Variants in DNAI7 observed in about 807,000 individuals in gnomAD.
DNAI7 encodes cancer susceptibility 1.
Under a neutral mutation model 86.6 loss-of-function variants are expected in DNAI7, and 78 were observed. That is an observed-to-expected ratio of 0.90 (90% CI 0.75 to 1.09). The LOEUF is 1.09. Ranked by LOEUF, DNAI7 falls within the 50% of genes least tolerant of loss-of-function variation. DNAI7 has a pLI of 0.00. For synonymous variants in DNAI7, 274 were observed against 273.0 expected (o/e 1.00, Z -0.04); for missense variants, 753 against 810.2 (o/e 0.93, Z 0.86).
intron 2 of DNAI7, among the ~76,000 whole-genome samples, chr12:25,164,805 C>T (rs1947256981): frequency 6.6e-6 from 1 of 151,894 alleles, no homozygotes; most frequent in African/African-American, 2.4e-5. Context: ...CTGACTTCTC[C>T]CCTCCTCACC....
At chr12:25,186,656 G>T (rs73286892) in intron 2 of DNAI7, among the ~76,000 whole-genome samples, 3,053 of 152,176 alleles carry the variant, frequency 0.02, 83 homozygotes, top group African/African-American at 0.07. Context: ...GTTTCGAATT[G>T]TCTAAAGGTT....
At chr12:25,161,073 T>C (rs773064318) in intron 3 of DNAI7, 40 bp downstream of exon 3, 2 of 1,473,934 alleles carry the variant, frequency 1.4e-6, no homozygotes, top group South Asian at 1.2e-5. Flanking sequence ...ATCGTGACTA[T>C]TACCTGTATA....
chr12:25,120,024 ATGAAG>A (rs1940942618), intron 11 of DNAI7, among the ~76,000 whole-genome samples: 1 of 152,190 alleles, frequency 6.6e-6, no homozygotes, highest in African/African-American at 2.4e-5. Flanking sequence ...AGGGGAGAGC[ATGAAG>A]TGGTCTCAGG....
At chr12:25,135,187 A>G (rs1225788044) in intron 9 of DNAI7, among the ~76,000 whole-genome samples, 6 of 152,230 alleles carry the variant, frequency 3.9e-5, no homozygotes, top group African/African-American at 1.4e-4. Flanking sequence ...GCCTCCAAAC[A>G]CACATCCTCA....
chr12:25,147,603 GCCATGATTGCA>G (rs1945038667), intron 7 of DNAI7, among the ~76,000 whole-genome samples: 1 of 152,138 alleles, frequency 6.6e-6, no homozygotes, highest in African/African-American at 2.4e-5. Flanking sequence ...GCTGCAGTGA[GCCATGATTGCA>G]CCATGCACTC....
chr12:25,152,590 C>T (rs896579036), intron 6 of DNAI7, among the ~76,000 whole-genome samples: 1 of 152,126 alleles, frequency 6.6e-6, no homozygotes, highest in Non-Finnish European at 1.5e-5. Context: ...CCAGTAAAGG[C>T]GAGTAAATGT....
chr12:25,158,580 A>T lies in DNAI7; in HGVS notation c.107-17T>A. 4 of 1,604,260 alleles carry T rather than the reference A, an allele frequency of 2.5e-6. No homozygotes were observed. Among genetic ancestry groups the T allele is most frequent in the Non-Finnish European group, 3.4e-6 (4 of 1,175,122 alleles). ...GGGCTTCCTCTAAAGAACCAAAAATAATTTTTTTCTCAGTGAATAGATCAC... is the reference window on the plus strand; with the variant it reads ...GGGCTTCCTCTAAAGAACCAAAAATTATTTTTTTCTCAGTGAATAGATCAC... On this transcript the variant is annotated splice_polypyrimidine_tract_variant and intron_variant, in intron 3 of 15. Transcript: ENST00000395987.
intron 11 of DNAI7, among the ~76,000 whole-genome samples, 188 bp downstream of exon 11, chr12:25,121,565 T>C (rs1487054328): frequency 1.3e-5 from 2 of 152,250 alleles, no homozygotes; most frequent in Admixed American, 6.5e-5. Flanking sequence ...ACAAACGTCA[T>C]ATTATTTTAG....
intron 13 of DNAI7, among the ~76,000 whole-genome samples, chr12:25,112,492 T>C (rs149629062): frequency 0.011 from 1,537 of 145,954 alleles, 9 homozygotes; most frequent in East Asian, 0.013. Flanking sequence ...CTGCAAGCTC[T>C]GCCTCCCAGG....
chr12:25,174,775 A>T (rs1429921115), intron 2 of DNAI7, among the ~76,000 whole-genome samples: 1 of 143,294 alleles, frequency 7.0e-6, no homozygotes, highest in Non-Finnish European at 1.5e-5. Flanking sequence ...GGAATACTAC[A>T]CGGCCATAAA....
chr12:25,165,084 C>G (rs1947306216), intron 2 of DNAI7, among the ~76,000 whole-genome samples: 1 of 152,172 alleles, frequency 6.6e-6, no homozygotes, highest in South Asian at 2.1e-4. Flanking sequence ...CATTTGGCAG[C>G]AACCCTGGGA....
chr12:25,152,144 T>A (rs2140939945), intron 6 of DNAI7, among the ~76,000 whole-genome samples: 1 of 152,326 alleles, frequency 6.6e-6, no homozygotes, highest in South Asian at 2.1e-4. Context: ...TTCTTAGAAT[T>A]TCTTGAGGGA....
Position 25,148,776 on chromosome 12 carries a change from C to A in DNAI7, c.585+852G>T, listed in dbSNP as rs1045394479. 6.2e-4 allele frequency among the ~76,000 whole-genome samples: 95 copies of A among 152,178 alleles called. 1 individual carries two copies. Among genetic ancestry groups the A allele is most frequent in the Non-Finnish European group, 7.2e-4 (49 of 67,984 alleles). On this transcript the variant is annotated intron_variant, in intron 7 of 15. Coordinates refer to ENST00000395987, the MANE Select transcript of DNAI7 (RefSeq NM_018272.5). ...TTGATCAGTGGGACTTCTAAGCTAGCCTCTTAGCTAACGGCATCCCTTTCA... is the reference window on the plus strand; with the variant it reads ...TTGATCAGTGGGACTTCTAAGCTAGACTCTTAGCTAACGGCATCCCTTTCA...
At chr12:25,172,262 C>T (rs1332987880) in intron 2 of DNAI7, among the ~76,000 whole-genome samples, 1 of 152,104 alleles carries the variant, frequency 6.6e-6, no homozygotes, top group Non-Finnish European at 1.5e-5. Flanking sequence ...TTTCAGGATA[C>T]AAGATTAATG....
intron 9 of DNAI7, among the ~76,000 whole-genome samples, chr12:25,124,032 T>TTG (rs57454187): frequency 0.21 from 30,319 of 144,546 alleles, 3,871 homozygotes; most frequent in African/African-American, 0.37. Flanking sequence ...AGTATAAAAA[T>TTG]TGTGTGTGTG....
chr12:25,130,190 C>G (rs1006983684), intron 9 of DNAI7, among the ~76,000 whole-genome samples: 1 of 152,148 alleles, frequency 6.6e-6, no homozygotes, highest in Non-Finnish European at 1.5e-5. Flanking sequence ...AATCCCTTAT[C>G]AATAGCAGGT....
At position 25,110,207 on chromosome 12, in the gene DNAI7, T is replaced by C. The variant is rs367957267; in HGVS notation, c.1813A>G (p.Met605Val). The change falls in exon 15 of 16, where the codon ATG becomes GTG. Residue 605 changes from methionine (M) to valine (V), a missense_variant. Transcript: ENST00000395987. The stretch of plus-strand genomic sequence containing the variant: ...GCAAAAGCAGAACTTAGTAGGGCCA[T>C]CTGTCGATAAGCTTTCACTTCTACC... Reference protein sequence around the residue: ...PLVEVKAYRQMALLSSAFAFG... With the variant: ...PLVEVKAYRQVALLSSAFAFG... 22 of 1,611,226 alleles carry C rather than the reference T, an allele frequency of 1.4e-5. 1 individual carries two copies. The highest frequency in any genetic ancestry group is 1.8e-5 in the Non-Finnish European group (21 of 1,177,452).
rs562558598 is a variant in DNAI7, at chr12:25,182,677, C to T, written c.21+7937G>A. ...GGCTCTCATGCCTGTAATCTCAGTG[C>T]TTTCGGAGGCCCTGGTAAGAGGATC... On this transcript the variant is annotated intron_variant, in intron 2 of 15. Coordinates refer to ENST00000395987, the MANE Select transcript of DNAI7 (RefSeq NM_018272.5). 7.9e-4 allele frequency among the ~76,000 whole-genome samples: 120 copies of T among 151,186 alleles called. 1 individual carries two copies. The Middle Eastern group carries it at 0.027, about 35-fold the overall frequency.
intron 1 of DNAI7, 110 bp downstream of exon 1, chr12:25,194,966 C>T: frequency 6.2e-7 from 1 of 1,614,232 alleles, no homozygotes; most frequent in Non-Finnish European, 8.5e-7. Context: ...TTTCCCAAAC[C>T]GACCCGCTTC....
Sources: allele counts gnomAD v4.1 joint callset (sites outside exome capture counted in the v4.1 genomes callset), GRCh38; gene constraint gnomAD v4.1.1; transcripts MANE v1.5; gene names NCBI Gene and HGNC (gene_info 2026-07-23, HGNC 2026-07-21).